Variants in CTNNA2 observed in about 807,000 individuals in gnomAD.
The protein encoded by CTNNA2 is catenin alpha-2.
A neutral mutation model predicts 101.0 loss-of-function variants in CTNNA2; 42 were observed. The ratio of observed to expected loss-of-function variants is 0.42; its 90% CI spans 0.32 to 0.54. The LOEUF is 0.54. Ranked by LOEUF, CTNNA2 falls within the 20% of genes least tolerant of loss-of-function variation. CTNNA2 has a pLI of 0.14. For missense variants in CTNNA2, 871 were observed against 1,223.1 expected, an observed-to-expected ratio of 0.71 and a Z score of 4.29; for synonymous variants, 450 against 456.4, an observed-to-expected ratio of 0.99 and a Z score of 0.18.
intron 4 of CTNNA2, among the ~76,000 whole-genome samples, chr2:79,416,257 CTTTTTTT>C (rs66830925): frequency 2.3e-3 from 221 of 94,624 alleles, no homozygotes; most frequent in Admixed American, 8.7e-3. Context: ...CTTTCCTTTT[CTTTTTTT>C]TTTTTTTTTT....
intron 2 of CTNNA2, among the ~76,000 whole-genome samples, chr2:79,712,160 T>C (rs772505863): frequency 2.0e-5 from 3 of 152,192 alleles, no homozygotes; most frequent in African/African-American, 4.8e-5. Flanking sequence ...AATTCTGTAT[T>C]AGACATTATT....
chr2:80,328,463 G>A (rs553520076), intron 7 of CTNNA2: 4 of 451,986 alleles, frequency 8.8e-6, no homozygotes, highest in Non-Finnish European at 1.8e-5. Flanking sequence ...GAGGGGAATA[G>A]ATTTGGAGCA....
chr2:79,909,168 C>T (rs993671000), intron 6 of CTNNA2, among the ~76,000 whole-genome samples: 7 of 151,564 alleles, frequency 4.6e-5, no homozygotes, highest in Admixed American at 4.6e-4. Context: ...GGAGGATTAA[C>T]GTGTGTGTAT....
intron 3 of CTNNA2, among the ~76,000 whole-genome samples, chr2:79,363,457 G>T (rs1677674836): frequency 6.6e-6 from 1 of 151,934 alleles, no homozygotes; most frequent in South Asian, 2.1e-4. Flanking sequence ...TTTCCTCATT[G>T]GTTGTTTTGA....
At chr2:80,307,532 CA>C (rs1304674216) in intron 7 of CTNNA2, among the ~76,000 whole-genome samples, 2 of 152,092 alleles carry the variant, frequency 1.3e-5, no homozygotes, top group Non-Finnish European at 2.9e-5. Flanking sequence ...CTTATTCTCT[CA>C]TATGTCTGTA....
chr2:80,106,724 C>T (rs1573098185), intron 7 of CTNNA2, among the ~76,000 whole-genome samples: 1 of 152,096 alleles, frequency 6.6e-6, no homozygotes, highest in Non-Finnish European at 1.5e-5. Flanking sequence ...GCCTGCCATT[C>T]GCTGGCAGGT....
At chr2:80,400,025 A>G (rs1370421975) in intron 8 of CTNNA2, among the ~76,000 whole-genome samples, 1 of 152,196 alleles carries the variant, frequency 6.6e-6, no homozygotes, top group Non-Finnish European at 1.5e-5. Flanking sequence ...CAAAACTGTC[A>G]CTGAAAACGA....
At chr2:79,372,456 C>G (rs974132412) in intron 3 of CTNNA2, among the ~76,000 whole-genome samples, 2 of 152,094 alleles carry the variant, frequency 1.3e-5, no homozygotes, top group African/African-American at 4.8e-5. Flanking sequence ...TGTGTATATC[C>G]TACTCGAGGT....
chr2:79,700,873 C>T (rs1208999576), intron 2 of CTNNA2, among the ~76,000 whole-genome samples: 2 of 152,150 alleles, frequency 1.3e-5, no homozygotes, highest in East Asian at 3.9e-4. Flanking sequence ...TAACAGCATA[C>T]ACTACATATT....
chr2:79,714,961 C>G (rs540346434), intron 2 of CTNNA2, among the ~76,000 whole-genome samples: 1 of 148,036 alleles, frequency 6.8e-6, no homozygotes, highest in Non-Finnish European at 1.5e-5. Context: ...GAGGCCAAGG[C>G]GGGCAGGTCA....
intron 4 of CTNNA2, among the ~76,000 whole-genome samples, chr2:79,479,455 A>C (rs1490312119): frequency 6.6e-6 from 1 of 152,192 alleles, no homozygotes; most frequent in African/African-American, 2.4e-5. Flanking sequence ...TGTTATATCT[A>C]TTGCATTTTA....
chr2:79,529,815 T>C (rs1374709328), intron 1 of CTNNA2, among the ~76,000 whole-genome samples: 1 of 151,946 alleles, frequency 6.6e-6, no homozygotes, highest in Non-Finnish European at 1.5e-5. Context: ...TGTTTACTGC[T>C]TCCAGCCATG....
At chr2:79,220,233 G>C (rs1333711301) in intron 2 of CTNNA2, among the ~76,000 whole-genome samples, 1 of 151,968 alleles carries the variant, frequency 6.6e-6, no homozygotes, top group Non-Finnish European at 1.5e-5. Flanking sequence ...GAATAGATGA[G>C]TTCTGAGTGA....
At chr2:79,913,798 T>C (rs893853550) in intron 7 of CTNNA2, among the ~76,000 whole-genome samples, 3 of 152,224 alleles carry the variant, frequency 2.0e-5, no homozygotes, top group Admixed American at 2.0e-4. Flanking sequence ...GTTGCAGTTG[T>C]ATCAATTGCA....
intron 4 of CTNNA2, among the ~76,000 whole-genome samples, chr2:79,381,788 A>G (rs569736651): frequency 6.6e-6 from 1 of 152,244 alleles, no homozygotes; most frequent in East Asian, 1.9e-4. Flanking sequence ...TCTCCATTTG[A>G]TCTGAAGTTT....
At chr2:80,080,468 A>T (rs1699065357) in intron 7 of CTNNA2, among the ~76,000 whole-genome samples, 1 of 152,210 alleles carries the variant, frequency 6.6e-6, no homozygotes, top group Non-Finnish European at 1.5e-5. Flanking sequence ...AAATCAATTC[A>T]CGGTAGATTG....
At chr2:80,550,549 T>C (rs1692475714) in intron 11 of CTNNA2, among the ~76,000 whole-genome samples, 1 of 152,248 alleles carries the variant, frequency 6.6e-6, no homozygotes, top group South Asian at 2.1e-4. Flanking sequence ...GCTGCTGCTT[T>C]ATGCACTACA....
intron 7 of CTNNA2, among the ~76,000 whole-genome samples, chr2:80,115,955 A>C (rs1701489433): frequency 1.3e-5 from 2 of 152,166 alleles, no homozygotes. Flanking sequence ...ATAGGATATC[A>C]ATCAGCCCGA....
At chr2:79,997,472 C>A (rs1452050238) in intron 7 of CTNNA2, among the ~76,000 whole-genome samples, 6 of 152,234 alleles carry the variant, frequency 3.9e-5, no homozygotes, top group African/African-American at 1.4e-4. Context: ...ACAAACCCTG[C>A]AGGATTTTTC....
Sources: allele counts gnomAD v4.1 joint callset (sites outside exome capture counted in the v4.1 genomes callset), GRCh38; gene constraint gnomAD v4.1.1; transcripts MANE v1.5; gene names NCBI Gene and HGNC (gene_info 2026-07-23, HGNC 2026-07-21).